TRAP1: variants seen among roughly 807,000 people sequenced by gnomAD.
TRAP1 encodes heat shock protein 75 kDa, mitochondrial.
TRAP1 carries 102 observed loss-of-function variants against 89.1 expected under a neutral mutation model. The observed-to-expected ratio is 1.15, with a 90% CI of 0.98 to 1.35. The LOEUF is 1.35. Ranked by LOEUF, TRAP1 falls within the 40% of genes most tolerant of loss-of-function variation. The pLI is 0.00. For missense variants in TRAP1, 1,256 were observed against 945.3 expected (o/e 1.33, Z -4.31); for synonymous variants, 508 against 388.0 (o/e 1.31, Z -3.64).
intron 1 of TRAP1, among the ~76,000 whole-genome samples, chr16:3,700,560 A>G (rs754580234): frequency 2.8e-4 from 42 of 151,660 alleles, no homozygotes; most frequent in Middle Eastern, 3.4e-3. Context: ...TCCGCCTCCC[A>G]GTTCAAGCCA....
chr16:3,685,047 T>A (rs1004610890), intron 4 of TRAP1, among the ~76,000 whole-genome samples: 1 of 152,154 alleles, frequency 6.6e-6, no homozygotes, highest in Non-Finnish European at 1.5e-5. Flanking sequence ...AAGAATCATG[T>A]CCCCATGACC....
rs1221636787 is a variant in TRAP1 at position 3,717,514 on chromosome 16, A to G, written c.-6T>C. 7.4e-6 allele frequency: 10 copies of G among 1,356,676 alleles called. No homozygotes were observed. Among genetic ancestry groups the G allele is most frequent in the South Asian group, 1.7e-5 (1 of 59,330 alleles). The allele number at this position is 1,356,676 out of a possible 1,614,324, so 84.0% of individuals were successfully genotyped here. A position where few individuals can be genotyped will look rare whatever the true frequency, so the allele number is the denominator to read the frequency against. On this transcript the variant is annotated 5_prime_UTR_variant, in exon 1 of 18. Transcript: ENST00000246957. Reference sequence around the variant, plus strand: ...GCCCGCAGCTCGCGCGCCATGTCGTACTCCCAGAGCGCCGCGCGCAGCCAC... The same window carrying G: ...GCCCGCAGCTCGCGCGCCATGTCGTGCTCCCAGAGCGCCGCGCGCAGCCAC...
chr16:3,703,907 C>T (rs763409353), intron 1 of TRAP1, among the ~76,000 whole-genome samples: 14 of 151,448 alleles, frequency 9.2e-5, no homozygotes, highest in Admixed American at 7.9e-4. Flanking sequence ...CCCAGCTACT[C>T]GGGAGGCTGA....
rs749720916 is a variant in TRAP1 at position 3,689,144 on chromosome 16, A to G, written c.248-7T>C. 9 of 1,612,376 alleles carry G rather than the reference A, an allele frequency of 5.6e-6. No homozygotes were observed. In the Admixed American group the frequency reaches 1.5e-4, roughly 27 times the overall value. On this transcript the variant is annotated splice_polypyrimidine_tract_variant and splice_region_variant and intron_variant, in intron 2 of 17. Coordinates refer to ENST00000246957, the MANE Select transcript of TRAP1 (RefSeq NM_016292.3). Reference sequence around the variant, plus strand: ...TCATGTTTGGAAGTGGAACCTAGTAATGAAACACAGACACAACCAACAAAG... The same window carrying G: ...TCATGTTTGGAAGTGGAACCTAGTAGTGAAACACAGACACAACCAACAAAG...
At chr16:3,682,888 G>A (rs924950090) in intron 4 of TRAP1, among the ~76,000 whole-genome samples, 6 of 152,074 alleles carry the variant, frequency 3.9e-5, no homozygotes, top group African/African-American at 1.2e-4. Context: ...TCCAGGTCAG[G>A]CTGGGTGCGG....
intron 1 of TRAP1, among the ~76,000 whole-genome samples, chr16:3,703,043 G>GGGAA (rs564433883): frequency 1.1e-4 from 5 of 43,500 alleles, no homozygotes; most frequent in African/African-American, 3.7e-4. Context: ...ACTCCGTCTT[G>GGGAA]AAAAAAAAAA....
intron 1 of TRAP1, among the ~76,000 whole-genome samples, chr16:3,700,588 C>T (rs1417792180): frequency 1.3e-5 from 2 of 152,048 alleles, no homozygotes; most frequent in African/African-American, 2.4e-5. Flanking sequence ...GCCTCAGCCG[C>T]CCGAGTAGCT....
At chr16:3,675,777 C>A (rs1220055782) in intron 7 of TRAP1, among the ~76,000 whole-genome samples, 4 of 152,210 alleles carry the variant, frequency 2.6e-5, no homozygotes, top group Admixed American at 2.6e-4. Context: ...CCCAGGTGCA[C>A]TAAAGGCCAA....
rs542524748 is a variant in TRAP1, at chr16:3,701,308, G to A, written c.89-10323C>T. The stretch of plus-strand genomic sequence containing the variant: ...GCTTCAACATATATGAAGTTAAAAC[G>A]GAAAGAATTAAAGACAAAACAATTC... On this transcript the variant is annotated intron_variant, in intron 1 of 17. Coordinates refer to ENST00000246957, the MANE Select transcript of TRAP1 (RefSeq NM_016292.3). 1.4e-4 allele frequency among the ~76,000 whole-genome samples: 22 copies of A among 152,116 alleles called. No individual in the cohort carries two copies. The South Asian group carries it at 2.3e-3, about 16-fold the overall frequency.
intron 5 of TRAP1, 199 bp from the exon 6 acceptor site, chr16:3,677,857 A>G: frequency 3.3e-6 from 2 of 599,764 alleles, no homozygotes; most frequent in Admixed American, 3.3e-5. Context: ...ACCAGCTGGC[A>G]GCAGTGGGAC....
At chr16:3,666,496 TAACAATTATG>T (rs2050832646) in intron 11 of TRAP1, among the ~76,000 whole-genome samples, 1 of 151,868 alleles carries the variant, frequency 6.6e-6, no homozygotes, top group South Asian at 2.1e-4. Flanking sequence ...ACATAAAATA[TAACAATTATG>T]AACAACCTCA....
chr16:3,710,875 A>ATTTTTTT (rs1463164560), intron 1 of TRAP1, among the ~76,000 whole-genome samples: 60 of 59,116 alleles, frequency 1.0e-3, no homozygotes, highest in African/African-American at 4.0e-3. Flanking sequence ...ATATATATAT[A>ATTTTTTT]TATATTTTTT....
chr16:3,713,347 G>A (rs1171413381), intron 1 of TRAP1, among the ~76,000 whole-genome samples: 4 of 152,174 alleles, frequency 2.6e-5, no homozygotes, highest in East Asian at 1.9e-4. Context: ...CTACAGGAGC[G>A]GGGTCCAGGT....
chr16:3,673,998 A>G (rs959687846), intron 9 of TRAP1, among the ~76,000 whole-genome samples: 2 of 152,158 alleles, frequency 1.3e-5, no homozygotes, highest in Non-Finnish European at 2.9e-5. Flanking sequence ...CCCAGCCTGC[A>G]CTGAGATGCC....
rs373016534 is a variant in TRAP1 at position 3,672,695 on chromosome 16, C to T, written c.1165+5G>A. 712 of 1,605,242 alleles carry T rather than the reference C, an allele frequency of 4.4e-4. No homozygotes were observed. Among genetic ancestry groups the T allele is most frequent in the Non-Finnish European group, 5.6e-4 (657 of 1,176,634 alleles). On this transcript the variant is annotated splice_donor_5th_base_variant and intron_variant, in intron 10 of 17. Coordinates refer to ENST00000246957, the MANE Select transcript of TRAP1 (RefSeq NM_016292.3). Reference sequence around the variant, plus strand: ...GGCACTGCTCACGGACTCTGAGCAGCGTACCTCGGATGAAGCGCAGCCACT... The same window carrying T: ...GGCACTGCTCACGGACTCTGAGCAGTGTACCTCGGATGAAGCGCAGCCACT...
At position 3,676,066 on chromosome 16, in the gene TRAP1, T is replaced by C; in HGVS notation, c.784A>G (p.Lys262Glu). ...KIIIHLKSDC[K>E]EFSSEARVRD... ...ACCCGGGCCTCGCTGGAAAACTCCT[T>C]GCAGTCGGATTTCAGGTGGATGATG... The change falls in exon 7 of 18, where the codon AAG becomes GAG. Residue 262 changes from lysine to glutamate, a missense_variant. By Grantham distance (56) the Lys-to-Glu change is moderately conservative. Transcript: ENST00000246957. The C allele has an allele frequency of 1.2e-6, 2 of 1,613,942 alleles. No individual in the cohort carries two copies. Among genetic ancestry groups the C allele is most frequent in the Non-Finnish European group, 8.5e-7 (1 of 1,179,906 alleles).
chr16:3,678,482 G>C (rs145300501), intron 5 of TRAP1: 4 of 152,140 alleles, frequency 2.6e-5, no homozygotes, highest in Non-Finnish European at 4.4e-5. Context: ...TGTTGTTTTT[G>C]AGATGGAGTG....
rs190706317 is a variant in TRAP1 at position 3,663,275 on chromosome 16, G to T, written c.1708+149C>A. The T allele has an allele frequency of 2.5e-3, 2,599 of 1,036,312 alleles. 5 individuals are homozygous for T. The highest frequency in any genetic ancestry group is 3.2e-3 in the Non-Finnish European group (2,331 of 726,446). 64.2% of individuals were successfully genotyped at this position (1,036,312 alleles called of 1,614,324 possible). On this transcript the variant is annotated intron_variant, in intron 14 of 17. Coordinates refer to ENST00000246957, the MANE Select transcript of TRAP1 (RefSeq NM_016292.3). ...CTAAACCAGGAGGCACCTTCCTCCAGTCACCAGGGTGCTCCCACAAGGCTC... is the reference window on the plus strand; with the variant it reads ...CTAAACCAGGAGGCACCTTCCTCCATTCACCAGGGTGCTCCCACAAGGCTC...
At chr16:3,702,703 C>T (rs925282759) in intron 1 of TRAP1, among the ~76,000 whole-genome samples, 1 of 151,500 alleles carries the variant, frequency 6.6e-6, no homozygotes, top group African/African-American at 2.4e-5. Flanking sequence ...CGAGATCACA[C>T]CACTGCACTC....
Sources: allele counts gnomAD v4.1 joint callset (sites outside exome capture counted in the v4.1 genomes callset), GRCh38; gene constraint gnomAD v4.1.1; transcripts MANE v1.5; gene names NCBI Gene and HGNC (gene_info 2026-07-23, HGNC 2026-07-21).